Variants in ORAI2 observed in about 807,000 individuals in gnomAD.
ORAI2 encodes the protein ORAI calcium release-activated calcium modulator 2, also known as protein orai-2.
A neutral mutation model predicts 16.2 loss-of-function variants in ORAI2; 10 were observed. The observed-to-expected ratio is 0.62, with a 90% confidence interval of 0.38 to 1.04. The LOEUF (loss-of-function observed/expected upper bound fraction) is 1.04, where lower values mean the gene tolerates loss of function less well. ORAI2 is among the 50% of genes least tolerant of loss of function. The probability of loss-of-function intolerance (pLI) is 0.01; values close to 1 mark genes in which losing one functional copy is unlikely to be tolerated. For missense variants in ORAI2, 238 were observed against 355.5 expected, an observed-to-expected ratio of 0.67 and a Z score of 2.66; for synonymous variants, 150 against 157.5, an observed-to-expected ratio of 0.95 and a Z score of 0.35.
Position 102,446,946 on chromosome 7 carries a change from G to A in ORAI2, c.659G>A (p.Arg220His), listed in dbSNP as rs745888656. The A allele has an allele frequency of 6.2e-6, 10 of 1,611,846 alleles. No homozygotes were observed. Among genetic ancestry groups the A allele is most frequent in the East Asian group, 2.2e-5 (1 of 44,866 alleles). The change falls in exon 4 of 4, where the codon CGC (arginine) becomes CAC (histidine). Residue 220 changes from arginine (R) to histidine (H), a missense_variant. Arg to His is a conservative substitution (Grantham distance 29). Coordinates refer to ENST00000495936, the MANE Select transcript of ORAI2 (RefSeq NM_001126340.3). ...IFVVFTIHFY[R>H]SLVRHKTERH... ...GTGGTCTTCACCATCCACTTCTACC[G>A]CTCCCTGGTGCGCCACAAAACGGAG...
At chr7:102,437,023 C>T (rs908781017) in intron 2 of ORAI2, among the ~76,000 whole-genome samples, 2 of 152,196 alleles carry the variant, frequency 1.3e-5, no homozygotes, top group African/African-American at 2.4e-5. Flanking sequence ...GGCGTGTGGC[C>T]GAGCAGCCCA....
At position 102,447,848 on chromosome 7, in the gene ORAI2, C is replaced by T. The variant is rs144819545; in HGVS notation, c.*796C>T. 122 of 152,474 alleles carry T rather than the reference C, an allele frequency of 8.0e-4. No homozygotes were observed. The highest frequency in any genetic ancestry group is 1.4e-3 in the Non-Finnish European group (98 of 68,110). 9.4% of individuals were successfully genotyped at this position (152,474 alleles called of 1,614,324 possible). Reference sequence around the variant, plus strand: ...TTTCCCAGCCAGAGCCCTGGCCACACGGACTCAGAGGGGCCACCGGGGTGG... The same window carrying T: ...TTTCCCAGCCAGAGCCCTGGCCACATGGACTCAGAGGGGCCACCGGGGTGG... On this transcript the variant is annotated 3_prime_UTR_variant, in exon 4 of 4. Coordinates refer to ENST00000495936, the MANE Select transcript of ORAI2 (RefSeq NM_001126340.3).
rs1050760100 is a variant in ORAI2 at position 102,456,109 on chromosome 7, C to T, written c.*9057C>T. ...TGGCCACATGGGTCCAGGCCACCCC[C>T]TCAGCCTCCACAGCCTGCCCCGCAC... On this transcript the variant is annotated 3_prime_UTR_variant, in exon 4 of 4. Transcript: ENST00000495936. 1 of 153,664 alleles carries T rather than the reference C, an allele frequency of 6.5e-6. No individual in the cohort carries two copies. The highest frequency in any genetic ancestry group is 2.4e-5 in the African/African-American group (1 of 41,426). The allele number at this position is 153,664 out of a possible 1,614,324, so 9.5% of individuals were successfully genotyped here. A position where few individuals can be genotyped will look rare whatever the true frequency, so the allele number is the denominator to read the frequency against.
At chr7:102,434,305 T>C (rs1797003869) in intron 1 of ORAI2, among the ~76,000 whole-genome samples, 1 of 151,962 alleles carries the variant, frequency 6.6e-6, no homozygotes, top group Admixed American at 6.6e-5. Flanking sequence ...GCACACACAG[T>C]TGGCATTGGG....
Position 102,446,819 on chromosome 7 carries a change from G to A in ORAI2, c.532G>A (p.Ala178Thr), listed in dbSNP as rs201783515. The A allele has an allele frequency of 1.2e-6, 2 of 1,613,996 alleles. No homozygotes were observed. The highest frequency in any genetic ancestry group is 4.5e-5 in the East Asian group (2 of 44,882). ...CTGGATCAAGTTCCTCCCCGTGGATGCCCGGCGCCAGCCTGGCCCCCCACC... is the reference window on the plus strand; with the variant it reads ...CTGGATCAAGTTCCTCCCCGTGGATACCCGGCGCCAGCCTGGCCCCCCACC... ...LCWIKFLPVD[A>T]RRQPGPPPGP... The change falls in exon 4 of 4, where the codon GCC becomes ACC. Residue 178 changes from alanine (A) to threonine (T), a missense_variant. By Grantham distance (58) the Ala-to-Thr change is moderately conservative. Coordinates refer to ENST00000495936, the MANE Select transcript of ORAI2 (RefSeq NM_001126340.3).
At position 102,454,702 on chromosome 7, in the gene ORAI2, A is replaced by G. The variant is rs1028477330; in HGVS notation, c.*7650A>G. 1 of 152,222 alleles carries G rather than the reference A, an allele frequency of 6.6e-6. No individual in the cohort carries two copies. The highest frequency in any genetic ancestry group is 1.5e-5 in the Non-Finnish European group (1 of 68,050). The allele number at this position is 152,222 out of a possible 1,614,324, so 9.4% of individuals were successfully genotyped here. Reference sequence around the variant, plus strand: ...CCGCCCTTGGAGCGGGCACTTCCCTATTTGGGCGTGTCCCAGTCCCATGCC... The same window carrying G: ...CCGCCCTTGGAGCGGGCACTTCCCTGTTTGGGCGTGTCCCAGTCCCATGCC... On this transcript the variant is annotated 3_prime_UTR_variant, in exon 4 of 4. Transcript: ENST00000495936.
In ORAI2 at chr7:102,448,174, C is replaced by G. The variant is rs536924002; in HGVS notation, c.*1122C>G. ...TGACACCAAGTGACTACAAGGGAGG[C>G]AAGACCCCTCCAGGCCTCTCAGCCG... On this transcript the variant is annotated 3_prime_UTR_variant, in exon 4 of 4. Coordinates refer to ENST00000495936, the MANE Select transcript of ORAI2 (RefSeq NM_001126340.3). 6.6e-6 allele frequency: 1 copy of G among 152,448 alleles called. No individual in the cohort carries two copies. Among genetic ancestry groups the G allele is most frequent in the Non-Finnish European group, 1.5e-5 (1 of 68,218 alleles). 9.4% of individuals were successfully genotyped at this position (152,448 alleles called of 1,614,324 possible). A position where few individuals can be genotyped will look rare whatever the true frequency, so the allele number is the denominator to read the frequency against.
rs1191204805 is a variant in ORAI2 at position 102,450,658 on chromosome 7, T to A, written c.*3606T>A. 6.6e-6 allele frequency: 1 copy of A among 152,300 alleles called. No individual in the cohort carries two copies. The highest frequency in any genetic ancestry group is 1.5e-5 in the Non-Finnish European group (1 of 68,108). The allele number at this position is 152,300 out of a possible 1,614,324, so 9.4% of individuals were successfully genotyped here. A position where few individuals can be genotyped will look rare whatever the true frequency, so the allele number is the denominator to read the frequency against. On this transcript the variant is annotated 3_prime_UTR_variant, in exon 4 of 4. Coordinates refer to ENST00000495936, the MANE Select transcript of ORAI2 (RefSeq NM_001126340.3). ...CTCCTAGGGTTCTCGTTCTCCCAGC[T>A]CCAGCCTTTCTAGTTTCGAGGCATG...
chr7:102,444,372 C>T (rs574550290), intron 3 of ORAI2, among the ~76,000 whole-genome samples: 2 of 151,988 alleles, frequency 1.3e-5, no homozygotes, highest in African/African-American at 2.4e-5. Context: ...CCTGCCTCAG[C>T]CTCCCAAGTA....
rs9632724 is a variant in ORAI2 at position 102,454,088 on chromosome 7, C to G, written c.*7036C>G. The G allele has an allele frequency of 0.93, 141,976 of 152,566 alleles. 66,095 individuals are homozygous for G. The highest frequency in any genetic ancestry group is 1 in the East Asian group (5,131 of 5,132). 9.5% of individuals were successfully genotyped at this position (152,566 alleles called of 1,614,324 possible). A position where few individuals can be genotyped will look rare whatever the true frequency, so the allele number is the denominator to read the frequency against. On this transcript the variant is annotated 3_prime_UTR_variant, in exon 4 of 4. Transcript: ENST00000495936. ...GTGGGGCCCAGGAGGGCAAGGCCCACACAGGAGCCGAAACCCATGTAGAAC... is the reference window on the plus strand; with the variant it reads ...GTGGGGCCCAGGAGGGCAAGGCCCAGACAGGAGCCGAAACCCATGTAGAAC...
At position 102,454,533 on chromosome 7, in the gene ORAI2, T is replaced by A. The variant is rs1330432733; in HGVS notation, c.*7481T>A. The A allele has an allele frequency of 2.0e-5, 3 of 153,094 alleles. No homozygotes were observed. Among genetic ancestry groups the A allele is most frequent in the South Asian group, 2.1e-4 (1 of 4,836 alleles). The allele number at this position is 153,094 out of a possible 1,614,324, so 9.5% of individuals were successfully genotyped here. ...ATGGAGCTTGGCTCCTGTCCCTGCC[T>A]GTGAGGGAGGACCAGACTCGGCCTC... On this transcript the variant is annotated 3_prime_UTR_variant, in exon 4 of 4. Coordinates refer to ENST00000495936, the MANE Select transcript of ORAI2 (RefSeq NM_001126340.3).
chr7:102,442,682 G>A (rs59285798), intron 3 of ORAI2, among the ~76,000 whole-genome samples: 5,199 of 151,190 alleles, frequency 0.034, 312 homozygotes, highest in African/African-American at 0.12. Context: ...GCAGGACTCC[G>A]TCTCAAAAAA....
At chr7:102,441,796 G>T (rs975459515) in intron 3 of ORAI2, among the ~76,000 whole-genome samples, 1 of 152,024 alleles carries the variant, frequency 6.6e-6, no homozygotes, top group Non-Finnish European at 1.5e-5. Flanking sequence ...CTGAGCCTTG[G>T]GGGAGCCGCA....
intron 3 of ORAI2, 61 bp downstream of exon 3, chr7:102,439,242 C>A: frequency 1.4e-6 from 2 of 1,431,962 alleles, no homozygotes; most frequent in East Asian, 2.4e-5. Flanking sequence ...ACTGAGGTCC[C>A]GGGATGCCTC....
Position 102,447,169 on chromosome 7 carries a change from CTT to C in ORAI2, c.*118_*119del, listed in dbSNP as rs1367524610. On this transcript the variant is annotated 3_prime_UTR_variant, in exon 4 of 4. Coordinates refer to ENST00000495936, the MANE Select transcript of ORAI2 (RefSeq NM_001126340.3). ...GGTAGTTCAAGACCAAAGTTTTCCTCTTGTCTTAATACCATAAGGACTGGATG... is the reference window on the plus strand; with the variant it reads ...GGTAGTTCAAGACCAAAGTTTTCCTCGTCTTAATACCATAAGGACTGGATG... The C allele has an allele frequency of 1.4e-5, 16 of 1,142,852 alleles. No homozygotes were observed. Among genetic ancestry groups the C allele is most frequent in the Middle Eastern group, 3.0e-4 (1 of 3,384 alleles). The allele number at this position is 1,142,852 out of a possible 1,614,324, so 70.8% of individuals were successfully genotyped here.
At position 102,448,764 on chromosome 7, in the gene ORAI2, C is replaced by G. The variant is rs1384967535; in HGVS notation, c.*1712C>G. On this transcript the variant is annotated 3_prime_UTR_variant, in exon 4 of 4. Coordinates refer to ENST00000495936, the MANE Select transcript of ORAI2 (RefSeq NM_001126340.3). ...GGGCGTGATGGCGGGCACCTGTAGT[C>G]CCAGCTACTCAGGAGGCTGAGGCAA... The G allele has an allele frequency of 6.6e-6, 1 of 151,818 alleles. No homozygotes were observed. The highest frequency in any genetic ancestry group is 1.5e-5 in the Non-Finnish European group (1 of 68,034). The allele number at this position is 151,818 out of a possible 1,614,324, so 9.4% of individuals were successfully genotyped here.
chr7:102,446,377 T>C (rs527306438), intron 3 of ORAI2, 136 bp from the exon 4 acceptor site: 76 of 826,028 alleles, frequency 9.2e-5, no homozygotes, highest in Non-Finnish European at 1.3e-4. Context: ...CATGGGTGAG[T>C]CCTGCCAGCA....
At chr7:102,438,862 G>A in intron 2 of ORAI2, 82 bp from the exon 3 acceptor site, 2 of 1,347,460 alleles carry the variant, frequency 1.5e-6, no homozygotes, top group Non-Finnish European at 1.1e-6. Context: ...GGCAGCCTCT[G>A]TAGGTTGAAT....
chr7:102,442,108 GC>G (rs1200634907), intron 3 of ORAI2, among the ~76,000 whole-genome samples: 2 of 152,012 alleles, frequency 1.3e-5, no homozygotes, highest in Non-Finnish European at 2.9e-5. Flanking sequence ...GTGATCCAAG[GC>G]CCCACCTCAT....
Sources: gnomAD v4.1 joint callset for allele counts (sites outside exome capture counted in the v4.1 genomes callset) on GRCh38, gnomAD v4.1.1 for gene constraint, MANE v1.5 for transcripts, NCBI Gene and HGNC (gene_info 2026-07-23, HGNC 2026-07-21) for gene names.